The following SNTG1 variants were observed in gnomAD, a reference collection of about 807,000 sequenced individuals.
The protein encoded by SNTG1 is gamma-1-syntrophin.
A neutral mutation model predicts 74.7 loss-of-function variants in SNTG1; 39 were observed. The ratio of observed to expected loss-of-function variants is 0.52; its 90% CI spans 0.40 to 0.68. The LOEUF (loss-of-function observed/expected upper bound fraction) is 0.68. Among genes scored for constraint, SNTG1 ranks in the 30% least tolerant of loss-of-function variants. The pLI, the probability that SNTG1 is intolerant of heterozygous loss-of-function variation, is 0.00. For missense variants in SNTG1, 685 were observed against 609.5 expected (o/e 1.12, Z -1.30); for synonymous variants, 254 against 217.1 (o/e 1.17, Z -1.49).
At chr8:49,924,969 G>A (rs1806884384) in intron 1 of SNTG1, among the ~76,000 whole-genome samples, 1 of 151,840 alleles carries the variant, frequency 6.6e-6, no homozygotes, top group South Asian at 2.1e-4. Context: ...GGACAACAAA[G>A]TGAGACCCCC....
intron 1 of SNTG1, among the ~76,000 whole-genome samples, chr8:49,956,147 C>A (rs1458107660): frequency 6.6e-6 from 1 of 152,198 alleles, no homozygotes; most frequent in Admixed American, 6.5e-5. Context: ...ATCTGGGTTA[C>A]TTTCATTTTG....
intron 1 of SNTG1, among the ~76,000 whole-genome samples, chr8:49,948,982 T>C (rs1392739648): frequency 6.6e-6 from 1 of 152,192 alleles, no homozygotes; most frequent in Admixed American, 6.5e-5. Flanking sequence ...AGATCACGCC[T>C]TCCACAGGAG....
chr8:50,735,364 A>G (rs550647129), intron 17 of SNTG1, among the ~76,000 whole-genome samples: 1 of 152,030 alleles, frequency 6.6e-6, no homozygotes, highest in Non-Finnish European at 1.5e-5. Context: ...AAAGGAAGCT[A>G]AGAAACTTGA....
At chr8:49,991,723 T>G (rs1813709132) in intron 1 of SNTG1, among the ~76,000 whole-genome samples, 2 of 152,190 alleles carry the variant, frequency 1.3e-5, no homozygotes, top group Admixed American at 6.5e-5. Flanking sequence ...ACATATGTTG[T>G]GATTCCATTT....
At chr8:50,787,638 A>T (rs1397746531) in intron 18 of SNTG1, among the ~76,000 whole-genome samples, 3 of 152,180 alleles carry the variant, frequency 2.0e-5, no homozygotes, top group South Asian at 4.1e-4. Context: ...AGGAAGAGAT[A>T]TGTCCATATC....
Position 50,359,331 on chromosome 8 carries a change from C to T in SNTG1, c.-27-34881C>T, listed in dbSNP as rs1018974168. Reference sequence around the variant, plus strand: ...GCTTCACTCTGTACCCTGCTGTATTCACCAGCATGTATTTGACATCTGAAC... The same window carrying T: ...GCTTCACTCTGTACCCTGCTGTATTTACCAGCATGTATTTGACATCTGAAC... On this transcript the variant is annotated intron_variant, in intron 2 of 18. Coordinates refer to ENST00000642720, the MANE Select transcript of SNTG1 (RefSeq NM_018967.5). Among the ~76,000 whole-genome samples the T allele has an allele frequency of 1.1e-4, 16 of 152,304 alleles. 1 individual carries two copies. The South Asian group carries it at 1.9e-3, about 18-fold the overall frequency.
At chr8:50,666,870 A>C (rs2095253336) in intron 15 of SNTG1, among the ~76,000 whole-genome samples, 1 of 152,026 alleles carries the variant, frequency 6.6e-6, no homozygotes, top group Non-Finnish European at 1.5e-5. Context: ...ATAATGTGTC[A>C]ATTTATTTAT....
At chr8:50,662,234 T>C (rs1169019849) in intron 15 of SNTG1, among the ~76,000 whole-genome samples, 1 of 152,114 alleles carries the variant, frequency 6.6e-6, no homozygotes, top group Admixed American at 6.6e-5. Context: ...ATCCCTCAGG[T>C]GAGGCTAATT....
At chr8:49,960,396 G>C (rs1810569430) in intron 1 of SNTG1, among the ~76,000 whole-genome samples, 1 of 152,086 alleles carries the variant, frequency 6.6e-6, no homozygotes, top group Non-Finnish European at 1.5e-5. Flanking sequence ...AGGTAATGAA[G>C]GGTTAAATTG....
intron 8 of SNTG1, among the ~76,000 whole-genome samples, chr8:50,465,746 T>C (rs563508767): frequency 5.7e-4 from 87 of 152,268 alleles, no homozygotes; most frequent in African/African-American, 2.0e-3. Context: ...CAAGGTGCAT[T>C]TAAGATTTAT....
intron 2 of SNTG1, among the ~76,000 whole-genome samples, chr8:50,285,901 G>A (rs1169663435): frequency 6.7e-6 from 1 of 149,612 alleles, no homozygotes; most frequent in African/African-American, 2.5e-5. Context: ...AGTAACTTGA[G>A]TTATGTTGTT....
intron 13 of SNTG1, among the ~76,000 whole-genome samples, chr8:50,633,998 A>G (rs2095022127): frequency 1.3e-5 from 2 of 152,212 alleles, no homozygotes; most frequent in Admixed American, 6.5e-5. Flanking sequence ...AGCTGCATAT[A>G]TTCACAAAGT....
chr8:50,107,793 T>G (rs776262174), intron 1 of SNTG1, among the ~76,000 whole-genome samples: 2 of 152,024 alleles, frequency 1.3e-5, no homozygotes, highest in Non-Finnish European at 2.9e-5. Flanking sequence ...TCAAGTGATC[T>G]GCCCACCTAA....
At chr8:50,602,105 T>G (rs1037234868) in intron 13 of SNTG1, among the ~76,000 whole-genome samples, 1 of 152,118 alleles carries the variant, frequency 6.6e-6, no homozygotes. Context: ...GAGGTTAGTC[T>G]ATTTACATTC....
intron 12 of SNTG1, among the ~76,000 whole-genome samples, chr8:50,555,141 G>T (rs2094448583): frequency 6.6e-6 from 1 of 152,084 alleles, no homozygotes; most frequent in Admixed American, 6.6e-5. Context: ...GCATTTTACT[G>T]CTTGTTTTTC....
intron 2 of SNTG1, among the ~76,000 whole-genome samples, chr8:50,382,751 C>T (rs2092510024): frequency 6.6e-6 from 1 of 152,102 alleles, no homozygotes; most frequent in Admixed American, 6.6e-5. Context: ...AGTCAGGATT[C>T]TCCGGACCAG....
intron 4 of SNTG1, among the ~76,000 whole-genome samples, chr8:50,424,423 A>G (rs1462503116): frequency 3.3e-5 from 5 of 152,236 alleles, no homozygotes; most frequent in Non-Finnish European, 5.9e-5. Flanking sequence ...AGCCACATAT[A>G]TACAGTTTCC....
intron 4 of SNTG1, among the ~76,000 whole-genome samples, chr8:50,435,900 A>G (rs908972508): frequency 8.5e-5 from 13 of 152,184 alleles, no homozygotes; most frequent in African/African-American, 3.1e-4. Flanking sequence ...ATTCTCCACC[A>G]GAGATTAGAG....
chr8:49,974,475 A>C (rs776055853), intron 1 of SNTG1, among the ~76,000 whole-genome samples: 7 of 152,186 alleles, frequency 4.6e-5, no homozygotes, highest in Non-Finnish European at 1.0e-4. Flanking sequence ...AATCATCTTC[A>C]GGTCTTTCAC....
Sources: allele counts gnomAD v4.1 joint callset (sites outside exome capture counted in the v4.1 genomes callset), GRCh38; gene constraint gnomAD v4.1.1; transcripts MANE v1.5; gene names NCBI Gene and HGNC (gene_info 2026-07-23, HGNC 2026-07-21).